The following KLHL2 variants were observed in gnomAD, a reference collection of about 807,000 sequenced individuals.
The protein encoded by KLHL2 is kelch-like protein 2.
KLHL2 carries 15 observed loss-of-function variants against 75.8 expected under a neutral mutation model. The ratio of observed to expected loss-of-function variants is 0.20; its 90% confidence interval spans 0.13 to 0.30. The LOEUF (loss-of-function observed/expected upper bound fraction) is 0.30. KLHL2 is among the 10% of genes least tolerant of loss of function. The probability of loss-of-function intolerance (pLI) is 1.00; values close to 1 mark genes in which losing one functional copy is unlikely to be tolerated. For missense variants in KLHL2, 381 were observed against 741.0 expected (o/e 0.51, Z 5.64); for synonymous variants, 214 against 251.9 (o/e 0.85, Z 1.42).
rs144526815 is a variant in KLHL2, at chr4:165,284,623, C to T, written c.545-9736C>T. Among the ~76,000 whole-genome samples, 1,463 of 152,300 alleles carry T rather than the reference C, an allele frequency of 9.6e-3. 22 individuals carry two copies. Among genetic ancestry groups the T allele is most frequent in the African/African-American group, 0.031 (1,307 of 41,552 alleles). ...CTTTCTCACATTTTTCTGTCATCTTCTTCTGAGCTCTCCAAACTGTTCCAA... is the reference window on the plus strand; with the variant it reads ...CTTTCTCACATTTTTCTGTCATCTTTTTCTGAGCTCTCCAAACTGTTCCAA... On this transcript the variant is annotated intron_variant, in intron 5 of 14. Coordinates refer to ENST00000226725, the MANE Select transcript of KLHL2 (RefSeq NM_007246.4).
At chr4:165,278,919 T>A (rs1226213388) in intron 5 of KLHL2, 2 of 1,409,280 alleles carry the variant, frequency 1.4e-6, no homozygotes, top group East Asian at 4.5e-5. Context: ...CCCGCTTTCA[T>A]TAGGCCATAG....
At chr4:165,283,470 G>A (rs185271890) in intron 5 of KLHL2, among the ~76,000 whole-genome samples, 2 of 152,352 alleles carry the variant, frequency 1.3e-5, no homozygotes, top group Admixed American at 6.5e-5. Context: ...CCCCATGCAA[G>A]TCTGAAATCC....
intron 8 of KLHL2, among the ~76,000 whole-genome samples, chr4:165,305,383 C>T (rs1157009599): frequency 6.6e-6 from 1 of 151,964 alleles, no homozygotes; most frequent in Non-Finnish European, 1.5e-5. Context: ...TTTCTGAAGT[C>T]CTTATTTTTG....
chr4:165,283,184 A>G (rs1743826103), intron 5 of KLHL2, among the ~76,000 whole-genome samples: 1 of 152,170 alleles, frequency 6.6e-6, no homozygotes, highest in Admixed American at 6.5e-5. Context: ...ACCAAACTAT[A>G]TCATTCCACC....
intron 8 of KLHL2, among the ~76,000 whole-genome samples, chr4:165,302,498 A>T (rs1020282749): frequency 5.3e-5 from 8 of 152,168 alleles, no homozygotes; most frequent in Admixed American, 2.6e-4. Context: ...TTACACTCTG[A>T]TTTTTAATTT....
chr4:165,311,059 A>T (rs369573052), intron 10 of KLHL2, among the ~76,000 whole-genome samples: 304 of 151,986 alleles, frequency 2.0e-3, no homozygotes, highest in Non-Finnish European at 3.4e-3. Context: ...GGGTTTCACC[A>T]TGTTAGCCAG....
intron 2 of KLHL2, among the ~76,000 whole-genome samples, chr4:165,220,990 G>A (rs374559155): frequency 3.3e-5 from 5 of 152,090 alleles, no homozygotes; most frequent in African/African-American, 7.2e-5. Context: ...AGTACTCTAC[G>A]TATATCTATC....
intron 5 of KLHL2, among the ~76,000 whole-genome samples, chr4:165,272,627 T>C (rs1400318367): frequency 6.6e-6 from 1 of 151,932 alleles, no homozygotes; most frequent in Admixed American, 6.6e-5. Context: ...ATGAATAAAG[T>C]AGGATTAATG....
intron 13 of KLHL2, among the ~76,000 whole-genome samples, chr4:165,315,623 A>G (rs1746537662): frequency 6.6e-6 from 1 of 152,334 alleles, no homozygotes; most frequent in East Asian, 1.9e-4. Context: ...ATATTTTAAA[A>G]TTATTTAAGT....
At chr4:165,221,647 C>T (rs1388542951) in intron 2 of KLHL2, among the ~76,000 whole-genome samples, 1 of 152,104 alleles carries the variant, frequency 6.6e-6, no homozygotes, top group East Asian at 1.9e-4. Context: ...GTGACCTGAT[C>T]AGATTTATAT....
At chr4:165,277,201 G>T (rs1456806857) in intron 5 of KLHL2, among the ~76,000 whole-genome samples, 4 of 151,780 alleles carry the variant, frequency 2.6e-5, no homozygotes, top group Admixed American at 1.3e-4. Context: ...TTTATAAATG[G>T]GCTACCCTCA....
intron 5 of KLHL2, among the ~76,000 whole-genome samples, chr4:165,264,763 T>TAA (rs1742104064): frequency 3.0e-5 from 3 of 101,390 alleles, no homozygotes; most frequent in Non-Finnish European, 5.6e-5. Context: ...TATATATATA[T>TAA]ATAAAACATT....
intron 6 of KLHL2, among the ~76,000 whole-genome samples, chr4:165,294,810 C>G (rs761366061): frequency 1.2e-4 from 18 of 152,194 alleles, no homozygotes; most frequent in Non-Finnish European, 2.4e-4. Flanking sequence ...TAGTTTCTTC[C>G]TACAACTCAA....
At chr4:165,297,444 G>T (rs1451939021) in intron 6 of KLHL2, among the ~76,000 whole-genome samples, 165 bp from the exon 7 acceptor site, 2 of 152,022 alleles carry the variant, frequency 1.3e-5, no homozygotes, top group Non-Finnish European at 2.9e-5. Flanking sequence ...GGGGTGAATG[G>T]CTTTGTAAGT....
At chr4:165,234,658 A>G (rs1347195682) in intron 3 of KLHL2, among the ~76,000 whole-genome samples, 1 of 134,534 alleles carries the variant, frequency 7.4e-6, no homozygotes, top group Non-Finnish European at 1.5e-5. Flanking sequence ...GCTCTGTACC[A>G]GGCTGGAGTG....
intron 5 of KLHL2, among the ~76,000 whole-genome samples, chr4:165,274,244 AG>A (rs1742902816): frequency 6.6e-6 from 1 of 152,102 alleles, no homozygotes; most frequent in Non-Finnish European, 1.5e-5. Context: ...GAGGGAAAAA[AG>A]GATGGATAAG....
At chr4:165,241,768 G>T (rs1739835985) in intron 4 of KLHL2, among the ~76,000 whole-genome samples, 1 of 152,116 alleles carries the variant, frequency 6.6e-6, no homozygotes, top group Admixed American at 6.5e-5. Flanking sequence ...CTAGTGTAGG[G>T]TCTCTTCCAT....
At chr4:165,229,526 G>A (rs1738714594) in intron 3 of KLHL2, among the ~76,000 whole-genome samples, 1 of 152,184 alleles carries the variant, frequency 6.6e-6, no homozygotes, top group African/African-American at 2.4e-5. Context: ...GTATTGGTAT[G>A]CCAAATAGAA....
At chr4:165,219,261 C>T (rs2110980161) in intron 1 of KLHL2, among the ~76,000 whole-genome samples, 1 of 152,334 alleles carries the variant, frequency 6.6e-6, no homozygotes, top group East Asian at 1.9e-4. Flanking sequence ...CATACTCTTA[C>T]CCAGCCCTAC....
Sources: allele counts gnomAD v4.1 joint callset (sites outside exome capture counted in the v4.1 genomes callset), GRCh38; gene constraint gnomAD v4.1.1; transcripts MANE v1.5; gene names NCBI Gene and HGNC (gene_info 2026-07-23, HGNC 2026-07-21).